Variants in ZNF407 observed in about 807,000 individuals in gnomAD.
ZNF407 encodes the protein zinc finger protein 407.
Under a neutral mutation model 131.2 loss-of-function variants are expected in ZNF407, and 17 were observed. That is an observed-to-expected ratio of 0.13 (90% confidence interval 0.09 to 0.19). ZNF407 has a LOEUF of 0.19. Among genes scored for constraint, ZNF407 ranks in the 10% least tolerant of loss-of-function variants. The pLI is 1.00. For missense variants in ZNF407, 2,681 were observed against 2,830.6 expected, an observed-to-expected ratio of 0.95 and a Z score of 1.20; for synonymous variants, 1,156 against 1,062.0, an observed-to-expected ratio of 1.09 and a Z score of -1.72.
chr18:74,806,230 G>C (rs1970107408), intron 4 of ZNF407, among the ~76,000 whole-genome samples: 1 of 152,194 alleles, frequency 6.6e-6, no homozygotes, highest in Non-Finnish European at 1.5e-5. Flanking sequence ...CCCTTACTTA[G>C]GATTACTTAG....
At chr18:74,676,677 G>T (rs186635384) in intron 3 of ZNF407, among the ~76,000 whole-genome samples, 21 of 150,032 alleles carry the variant, frequency 1.4e-4, no homozygotes, top group Non-Finnish European at 2.9e-4. Flanking sequence ...CTCGTGATCT[G>T]CCCGCCTTGG....
intron 4 of ZNF407, among the ~76,000 whole-genome samples, chr18:74,788,142 T>C (rs1969755969): frequency 6.6e-6 from 1 of 152,226 alleles, no homozygotes; most frequent in Non-Finnish European, 1.5e-5. Context: ...TTACTACTGT[T>C]ATTTCCAGTT....
chr18:75,063,736 G>A lies in ZNF407; in HGVS notation c.6015G>A (p.Arg2005=). The A allele has an allele frequency of 6.2e-7, 1 of 1,612,238 alleles. No individual in the cohort carries two copies. The highest frequency in any genetic ancestry group is 8.5e-7 in the Non-Finnish European group (1 of 1,179,790). Residue 2005 remains arginine, a synonymous_variant, in exon 9 of 9, where the codon AGG becomes AGA. Coordinates refer to ENST00000299687, the MANE Select transcript of ZNF407 (RefSeq NM_017757.3). This position sits in a 1 kb window ranked among gnomAD's most constrained non-coding sequence, Gnocchi z 6.6. ...CTGAATTAGGGGAGGTGGAGGGCAG[G>A]GCTGGGCTCGAGGAGCAAGGCAGGC... ...AVTELGEVEG[R]AGLEEQGRPG...
chr18:74,878,303 C>T (rs1206171350), intron 5 of ZNF407, among the ~76,000 whole-genome samples: 9 of 152,096 alleles, frequency 5.9e-5, no homozygotes, highest in Non-Finnish European at 1.2e-4. Flanking sequence ...AAAAATAATA[C>T]ATTTTAATCA....
intron 8 of ZNF407, among the ~76,000 whole-genome samples, chr18:74,937,775 C>T (rs562559305): frequency 6.6e-6 from 1 of 152,212 alleles, no homozygotes; most frequent in South Asian, 2.1e-4. Context: ...TTTTTGATCA[C>T]CAGGCAGGGG....
In ZNF407 at chr18:75,063,873, C is replaced by T; in HGVS notation, c.6152C>T (p.Ala2051Val). 1 of 1,612,032 alleles carries T rather than the reference C, an allele frequency of 6.2e-7. No homozygotes were observed. Among genetic ancestry groups the T allele is most frequent in the Non-Finnish European group, 8.5e-7 (1 of 1,179,484 alleles). Residue 2051 changes from alanine to valine, a missense_variant, in exon 9 of 9, where the codon GCC becomes GTC. By Grantham distance (64) the Ala-to-Val change is moderately conservative (BLOSUM62 0). Coordinates refer to ENST00000299687, the MANE Select transcript of ZNF407 (RefSeq NM_017757.3). The surrounding 1 kb of genome is among the most constrained non-coding windows in gnomAD (Gnocchi z 6.6). Reference sequence around the variant, plus strand: ...TTCCCACAGGCCCAGGAGAGCCCGGCCGCCGTGGAGGTGCTCACCCAGGTG... The same window carrying T: ...TTCCCACAGGCCCAGGAGAGCCCGGTCGCCGTGGAGGTGCTCACCCAGGTG... Reference protein sequence around the residue: ...QMFPQAQESPAAVEVLTQVVH... With the variant: ...QMFPQAQESPVAVEVLTQVVH...
chr18:74,936,095 T>A (rs533633811), intron 8 of ZNF407, among the ~76,000 whole-genome samples: 1 of 152,238 alleles, frequency 6.6e-6, no homozygotes, highest in Non-Finnish European at 1.5e-5. Context: ...AATTTCTCTA[T>A]CTGCTTCTAA....
chr18:74,845,782 T>C (rs1301868793), intron 4 of ZNF407, among the ~76,000 whole-genome samples: 2 of 152,176 alleles, frequency 1.3e-5, no homozygotes, highest in Non-Finnish European at 2.9e-5. Flanking sequence ...TACAAAAATG[T>C]TGGGGAGATA....
intron 8 of ZNF407, among the ~76,000 whole-genome samples, chr18:74,946,611 A>G (rs79542492): frequency 0.029 from 4,435 of 152,328 alleles, 244 homozygotes; most frequent in African/African-American, 0.1. Flanking sequence ...ACATTAATAT[A>G]TATTTTAGAA....
chr18:75,041,087 C>T (rs1973367067), intron 8 of ZNF407, among the ~76,000 whole-genome samples: 1 of 152,210 alleles, frequency 6.6e-6, no homozygotes, highest in African/African-American at 2.4e-5. Context: ...GTTCCTAATA[C>T]TCGCAGTATC....
At chr18:74,896,434 C>A (rs918798564) in intron 7 of ZNF407, among the ~76,000 whole-genome samples, 16 of 152,164 alleles carry the variant, frequency 1.1e-4, no homozygotes, top group African/African-American at 3.9e-4. Context: ...CAGTTACTTT[C>A]CAAACTTTTC....
At chr18:74,702,421 G>A (rs1188177772) in intron 3 of ZNF407, among the ~76,000 whole-genome samples, 3 of 152,032 alleles carry the variant, frequency 2.0e-5, no homozygotes, top group Admixed American at 6.5e-5. Context: ...AAATATATAT[G>A]ATTATCAGTG....
chr18:74,937,285 G>C (rs1194254103), intron 8 of ZNF407, among the ~76,000 whole-genome samples: 1 of 152,108 alleles, frequency 6.6e-6, no homozygotes, highest in African/African-American at 2.4e-5. Context: ...ATCACTATTT[G>C]CCAGATATGA....
At chr18:74,874,619 G>C (rs1454133610) in intron 4 of ZNF407, among the ~76,000 whole-genome samples, 1 of 152,142 alleles carries the variant, frequency 6.6e-6, no homozygotes, top group Non-Finnish European at 1.5e-5. Context: ...CTCCCAGCTA[G>C]CTCTGCATTT....
intron 8 of ZNF407, among the ~76,000 whole-genome samples, chr18:75,054,707 T>C (rs1459366767): frequency 6.6e-6 from 1 of 152,220 alleles, no homozygotes; most frequent in Non-Finnish European, 1.5e-5. Flanking sequence ...GAAAAGGTGG[T>C]TGGGATTCCT....
At chr18:74,677,693 T>C (rs1019507367) in intron 3 of ZNF407, among the ~76,000 whole-genome samples, 1 of 152,212 alleles carries the variant, frequency 6.6e-6, no homozygotes, top group African/African-American at 2.4e-5. Flanking sequence ...ATCTCAGTCC[T>C]TGAACTTTTT....
intron 8 of ZNF407, among the ~76,000 whole-genome samples, chr18:74,959,228 A>G (rs1448941556): frequency 6.6e-6 from 1 of 152,360 alleles, no homozygotes; most frequent in East Asian, 1.9e-4. Flanking sequence ...AGAACTGTTC[A>G]AGATCGCAAT....
intron 8 of ZNF407, among the ~76,000 whole-genome samples, chr18:74,956,470 C>T (rs1342772669): frequency 6.6e-6 from 1 of 152,132 alleles, no homozygotes; most frequent in Non-Finnish European, 1.5e-5. Flanking sequence ...TGTTTTTAAA[C>T]CAAAATATAA....
At chr18:74,709,115 A>G (rs1028807208) in intron 3 of ZNF407, among the ~76,000 whole-genome samples, 8 of 152,236 alleles carry the variant, frequency 5.3e-5, no homozygotes, top group African/African-American at 1.9e-4. Flanking sequence ...TATTCAAATT[A>G]TGATTTCTTA....
Sources: gnomAD v4.1 joint callset for allele counts (sites outside exome capture counted in the v4.1 genomes callset) on GRCh38, gnomAD v4.1.1 for gene constraint, Gnocchi (gnomAD v3.1) non-coding constraint, MANE v1.5 for transcripts, NCBI Gene and HGNC (gene_info 2026-07-23, HGNC 2026-07-21) for gene names.